Variants in RAD21L1 observed in about 807,000 individuals in gnomAD.
RAD21L1 encodes RAD21 cohesin complex component like 1.
Under a neutral mutation model 69.0 loss-of-function variants are expected in RAD21L1, and 47 were observed. The observed-to-expected ratio is 0.68, with a 90% CI of 0.54 to 0.87. RAD21L1 has a LOEUF of 0.87. Ranked by LOEUF, RAD21L1 falls within the 40% of genes least tolerant of loss-of-function variation. The pLI, the probability that RAD21L1 is intolerant of heterozygous loss-of-function variation, is 0.00. For missense variants in RAD21L1, 583 were observed against 647.6 expected, an observed-to-expected ratio of 0.90 and a Z score of 1.08; for synonymous variants, 177 against 205.8, an observed-to-expected ratio of 0.86 and a Z score of 1.20.
chr20:1,255,478 A>G lies in RAD21L1; in HGVS notation c.*1021A>G, dbSNP rs1052817197. ...CTATGGTACTCATTAAAATGTTGTTATATCTGGAATTATGCTGCAAACAAC... is the reference window on the plus strand; with the variant it reads ...CTATGGTACTCATTAAAATGTTGTTGTATCTGGAATTATGCTGCAAACAAC... On this transcript the variant is annotated 3_prime_UTR_variant, in exon 14 of 14. Transcript: ENST00000683101. Among the ~76,000 whole-genome samples, 12 of 152,196 alleles carry G rather than the reference A, an allele frequency of 7.9e-5. No individual in the cohort carries two copies. The highest frequency in any genetic ancestry group is 5.9e-4 in the Admixed American group (9 of 15,288).
chr20:1,246,935 T>G lies in RAD21L1; in HGVS notation c.1401+630T>G, dbSNP rs981965265. Among the ~76,000 whole-genome samples, 1 of 152,174 alleles carries G rather than the reference T, an allele frequency of 6.6e-6. No individual in the cohort carries two copies. Among genetic ancestry groups the G allele is most frequent in the African/African-American group, 2.4e-5 (1 of 41,458 alleles). On this transcript the variant is annotated intron_variant, in intron 12 of 13. Coordinates refer to ENST00000683101, the MANE Select transcript of RAD21L1 (RefSeq NM_001384355.1). This position sits in a 1 kb window ranked among gnomAD's most constrained non-coding sequence, Gnocchi z 4.6. ...ATTTTAGTAAAAGTTTTTTAGTAAA[T>G]AATATAAAAACACCTAGTAAGCCTG...
chr20:1,249,275 T>A (rs934770199), intron 13 of RAD21L1, among the ~76,000 whole-genome samples: 2 of 152,178 alleles, frequency 1.3e-5, no homozygotes, highest in African/African-American at 4.8e-5. Context: ...ATCTACTGAA[T>A]TCTTTTGACA....
intron 12 of RAD21L1, 33 bp from the exon 13 acceptor site, chr20:1,248,593 T>C (rs1449603015): frequency 1.5e-6 from 2 of 1,354,954 alleles, no homozygotes; most frequent in East Asian, 2.6e-5. Flanking sequence ...TAAAATTTGC[T>C]TAAATTAAAT....
intron 7 of RAD21L1, among the ~76,000 whole-genome samples, chr20:1,240,118 T>G (rs2087576545): frequency 1.3e-5 from 2 of 152,206 alleles, no homozygotes; most frequent in Non-Finnish European, 2.9e-5. Context: ...GATACTTGAC[T>G]CACTCGAATA....
rs1449428360 is a variant in RAD21L1, at chr20:1,246,260, G to T, written c.1356G>T (p.Met452Ile). Residue 452 changes from methionine to isoleucine, a missense_variant, in exon 12 of 14, where the codon ATG (methionine) becomes ATT (isoleucine). Coordinates refer to ENST00000683101, the MANE Select transcript of RAD21L1 (RefSeq NM_001384355.1). The surrounding 1 kb of genome is among the most constrained non-coding windows in gnomAD (Gnocchi z 4.6). The part of the protein sequence containing the change: ...VSLAAEESSL[M>I]NDLFAQEIEY... The stretch of plus-strand genomic sequence containing the variant: ...TAGCTGCTGAGGAATCATCTTTAAT[G>T]AATGACTTATTTGCACAAGAAATTG... The T allele has an allele frequency of 2.1e-5, 32 of 1,541,406 alleles. No homozygotes were observed. Among genetic ancestry groups the T allele is most frequent in the Non-Finnish European group, 2.6e-5 (30 of 1,142,356 alleles).
chr20:1,233,790 T>C (rs915698946), intron 4 of RAD21L1, among the ~76,000 whole-genome samples: 1 of 152,146 alleles, frequency 6.6e-6, no homozygotes, highest in Non-Finnish European at 1.5e-5. Flanking sequence ...GGAGATTAGA[T>C]TTCAAAATAT....
intron 8 of RAD21L1, 38 bp downstream of exon 8, chr20:1,240,472 C>T (rs766306150): frequency 1.0e-5 from 16 of 1,527,514 alleles, no homozygotes; most frequent in African/African-American, 1.4e-5. Flanking sequence ...ATTTTTAATA[C>T]ACTGTTAACT....
At position 1,254,652 on chromosome 20, in the gene RAD21L1, TTC is replaced by T. The variant is rs1440566736; in HGVS notation, c.*197_*198del. Among the ~76,000 whole-genome samples, 5 of 141,418 alleles carry T rather than the reference TTC, an allele frequency of 3.5e-5. No individual in the cohort carries two copies. Among genetic ancestry groups the T allele is most frequent in the Non-Finnish European group, 6.2e-5 (4 of 64,408 alleles). The allele number at this position is 141,418 out of a possible 152,430, so 92.8% of individuals were successfully genotyped here. A position where few individuals can be genotyped will look rare whatever the true frequency, so the allele number is the denominator to read the frequency against. On this transcript the variant is annotated 3_prime_UTR_variant, in exon 14 of 14. Coordinates refer to ENST00000683101, the MANE Select transcript of RAD21L1 (RefSeq NM_001384355.1). ...CATGCTTACAAAGAAATACTTTAAA[TTC>T]TGTTTTGTTTTTTTTTGTTGTTTTT... is the stretch of plus-strand genomic sequence containing the variant.
At position 1,246,150 on chromosome 20, in the gene RAD21L1, A is replaced by G; in HGVS notation, c.1309-63A>G. 1 of 793,898 alleles carries G rather than the reference A, an allele frequency of 1.3e-6. No individual in the cohort carries two copies. Among genetic ancestry groups the G allele is most frequent in the Non-Finnish European group, 2.0e-6 (1 of 510,780 alleles). 49.2% of individuals were successfully genotyped at this position (793,898 alleles called of 1,614,324 possible). On this transcript the variant is annotated intron_variant, in intron 11 of 13. Transcript: ENST00000683101. This position sits in a 1 kb window ranked among gnomAD's most constrained non-coding sequence, Gnocchi z 4.6. ...TCATGTGATTAAAGCATTTAATAAA[A>G]TTAGATTGTTCCTGTATAACCACTG...
intron 10 of RAD21L1, 90 bp from the exon 11 acceptor site, chr20:1,243,956 T>C: frequency 8.8e-7 from 1 of 1,133,356 alleles, no homozygotes. Flanking sequence ...CCAACATGTC[T>C]GTCAGAAGTT....
intron 12 of RAD21L1, among the ~76,000 whole-genome samples, chr20:1,247,542 T>C (rs751133198): frequency 6.6e-6 from 1 of 152,166 alleles, no homozygotes; most frequent in Non-Finnish European, 1.5e-5. Context: ...AGTGACCGTA[T>C]TTTCAAATCA....
At chr20:1,238,336 C>CT (rs573611495) in intron 6 of RAD21L1, 122 bp downstream of exon 6, 20 of 660,730 alleles carry the variant, frequency 3.0e-5, no homozygotes, top group African/African-American at 3.7e-5. Flanking sequence ...TAGGTCAATA[C>CT]TTTTTTTTAT....
intron 5 of RAD21L1, among the ~76,000 whole-genome samples, chr20:1,237,626 A>G (rs1358851125): frequency 6.6e-6 from 1 of 151,448 alleles, no homozygotes; most frequent in Non-Finnish European, 1.5e-5. Flanking sequence ...ATTTCCTGAG[A>G]TGACTAACAT....
chr20:1,241,517 A>T (rs1484158667), intron 8 of RAD21L1, among the ~76,000 whole-genome samples: 1 of 151,990 alleles, frequency 6.6e-6, no homozygotes, highest in Non-Finnish European at 1.5e-5. Flanking sequence ...TTTTTTTTTA[A>T]CTGAATTCAC....
Position 1,244,150 on chromosome 20 carries a change from A to G in RAD21L1, c.1288A>G (p.Asn430Asp), listed in dbSNP as rs944651984. Reference protein sequence around the residue: ...GSQHSSHEDTNKNINSEDIVE... With the variant: ...GSQHSSHEDTDKNINSEDIVE... The stretch of plus-strand genomic sequence containing the variant: ...TCAGCATAGCTCTCATGAGGATACC[A>G]ATAAAAATATTAACTCTGAGGTAAG... Residue 430 changes from asparagine (N) to aspartate (D), a missense_variant, in exon 11 of 14, where the codon AAT becomes GAT. Physicochemically the swap from Asn to Asp is conservative, Grantham distance 23. Transcript: ENST00000683101. 6 of 1,544,274 alleles carry G rather than the reference A, an allele frequency of 3.9e-6. No individual in the cohort carries two copies. In the African/African-American group the frequency reaches 8.2e-5, roughly 21 times the overall value.
intron 5 of RAD21L1, 45 bp from the exon 6 acceptor site, chr20:1,237,999 T>C (rs768318682): frequency 9.2e-7 from 1 of 1,083,312 alleles, no homozygotes; most frequent in African/African-American, 1.6e-5. Context: ...AACCCTATAA[T>C]TCTGTGTTTC....
chr20:1,238,371 G>A (rs1259862414), intron 6 of RAD21L1, among the ~76,000 whole-genome samples, 157 bp downstream of exon 6: 1 of 152,146 alleles, frequency 6.6e-6, no homozygotes, highest in Non-Finnish European at 1.5e-5. Flanking sequence ...TCTGTGGCAT[G>A]TTTAAACATT....
Position 1,234,209 on chromosome 20 carries a change from C to A in RAD21L1, c.475+18C>A. 9.2e-7 allele frequency: 1 copy of A among 1,089,284 alleles called. No individual in the cohort carries two copies. The highest frequency in any genetic ancestry group is 1.4e-6 in the Non-Finnish European group (1 of 732,686). The allele number at this position is 1,089,284 out of a possible 1,614,324, so 67.5% of individuals were successfully genotyped here. A position where few individuals can be genotyped will look rare whatever the true frequency, so the allele number is the denominator to read the frequency against. On this transcript the variant is annotated intron_variant, in intron 5 of 13. Coordinates refer to ENST00000683101, the MANE Select transcript of RAD21L1 (RefSeq NM_001384355.1). ...GAGCTTTGGTGAGAATATTTGAGAA[C>A]TCAAAATTACAAATTATAATCAATT...
At chr20:1,232,030 A>C (rs572838401) in intron 4 of RAD21L1, among the ~76,000 whole-genome samples, 1 of 152,344 alleles carries the variant, frequency 6.6e-6, no homozygotes, top group South Asian at 2.1e-4. Flanking sequence ...AAAATGAAAT[A>C]AATAAACAGT....
Sources: allele counts gnomAD v4.1 joint callset (sites outside exome capture counted in the v4.1 genomes callset), GRCh38; gene constraint gnomAD v4.1.1; non-coding constraint Gnocchi (gnomAD v3.1); transcripts MANE v1.5; gene names NCBI Gene and HGNC (gene_info 2026-07-23, HGNC 2026-07-21).